Variants in TRPM4 observed in about 807,000 individuals in gnomAD.
The protein encoded by TRPM4 is transient receptor potential cation channel subfamily M member 4.
TRPM4 carries 124 observed loss-of-function variants against 135.6 expected under a neutral mutation model. The observed-to-expected ratio is 0.91, with a 90% CI of 0.79 to 1.06. The LOEUF is 1.06. Among genes scored for constraint, TRPM4 ranks in the 50% least tolerant of loss-of-function variants. The pLI, the probability that TRPM4 is intolerant of heterozygous loss-of-function variation, is 0.00. For missense variants in TRPM4, 1,658 were observed against 1,671.4 expected, an observed-to-expected ratio of 0.99 and a Z score of 0.14; for synonymous variants, 745 against 705.6, an observed-to-expected ratio of 1.06 and a Z score of -0.88.
intron 2 of TRPM4, among the ~76,000 whole-genome samples, chr19:49,163,838 G>A (rs1243463591): frequency 6.6e-6 from 1 of 152,234 alleles, no homozygotes; most frequent in Non-Finnish European, 1.5e-5. Context: ...GGTGTTGGAA[G>A]TAGCTGCAGG....
chr19:49,200,140 T>C (rs899120951), intron 17 of TRPM4, among the ~76,000 whole-genome samples, 160 bp from the exon 18 acceptor site: 1 of 152,154 alleles, frequency 6.6e-6, no homozygotes, highest in African/African-American at 2.4e-5. Flanking sequence ...ATGGACCAGC[T>C]TGGTACTGAA....
At position 49,182,821 on chromosome 19, in the gene TRPM4, G is replaced by A. The variant is rs577719057; in HGVS notation, c.1507G>A (p.Val503Met). Residue 503 changes from valine to methionine, a missense_variant, in exon 11 of 25, where the codon GTG becomes ATG. Physicochemically the swap from Val to Met is conservative, Grantham distance 21 (BLOSUM62 1). This residue lies in a region of TRPM4 where 1,412 missense variants were observed against 1,408.7 expected (regional missense o/e 1.00). Coordinates refer to ENST00000252826, the MANE Select transcript of TRPM4 (RefSeq NM_017636.4). Reference sequence around the variant, plus strand: ...AGCTGCGGAGCTCCGGCCCCCTGACGTGGGGCATGTGCTGAGGATGCTGCT... The same window carrying A: ...AGCTGCGGAGCTCCGGCCCCCTGACATGGGGCATGTGCTGAGGATGCTGCT... ...GGAAELRPPD[V>M]GHVLRMLLGK... The A allele has an allele frequency of 1.3e-5, 21 of 1,613,254 alleles. No individual in the cohort carries two copies. Among genetic ancestry groups the A allele is most frequent in the Non-Finnish European group, 1.7e-5 (20 of 1,179,820 alleles).
At chr19:49,165,934 G>A (rs954517443) in intron 2 of TRPM4, 107 bp from the exon 3 acceptor site, 4 of 1,163,746 alleles carry the variant, frequency 3.4e-6, no homozygotes, top group South Asian at 2.8e-5. Flanking sequence ...GCCTCTGTGG[G>A]TGTGGACTCA....
intron 3 of TRPM4, 48 bp downstream of exon 3, chr19:49,166,263 G>T: frequency 6.5e-7 from 1 of 1,537,180 alleles, no homozygotes; most frequent in Non-Finnish European, 8.8e-7. Context: ...GGGGCTGCAT[G>T]CTCGGGGCTC....
chr19:49,200,204 G>A (rs1968859853), intron 17 of TRPM4, 96 bp from the exon 18 acceptor site: 2 of 1,588,984 alleles, frequency 1.3e-6, no homozygotes, highest in Non-Finnish European at 1.7e-6. Flanking sequence ...GCCCGGTGGA[G>A]GCTGCAGCTT....
At chr19:49,198,418 G>A (rs1218244907) in intron 17 of TRPM4, among the ~76,000 whole-genome samples, 1 of 151,850 alleles carries the variant, frequency 6.6e-6, no homozygotes, top group Non-Finnish European at 1.5e-5. Flanking sequence ...AGGCCGAGGC[G>A]GGTGGATCAC....
chr19:49,168,392 T>C lies in TRPM4; in HGVS notation c.581T>C (p.Val194Ala), dbSNP rs1373125166. 1 of 1,613,814 alleles carries C rather than the reference T, an allele frequency of 6.2e-7. No individual in the cohort carries two copies. The highest frequency in any genetic ancestry group is 1.7e-5 in the Admixed American group (1 of 60,004). Residue 194 changes from valine (V) to alanine (A), a missense_variant, in exon 5 of 25, where the codon GTC (valine) becomes GCC (alanine). Val to Ala is a moderately conservative substitution (Grantham distance 64). Coordinates refer to ENST00000252826, the MANE Select transcript of TRPM4 (RefSeq NM_017636.4). ...VAMGVAPWGV[V>A]RNRDTLINPK... ...ATGGGTGTGGCCCCCTGGGGTGTGGTCCGGAATAGAGACACCCTCATCAAC... is the reference window on the plus strand; with the variant it reads ...ATGGGTGTGGCCCCCTGGGGTGTGGCCCGGAATAGAGACACCCTCATCAAC...
chr19:49,176,649 C>A (rs933647187), intron 9 of TRPM4, among the ~76,000 whole-genome samples: 1 of 152,094 alleles, frequency 6.6e-6, no homozygotes. Context: ...GTCAGGAGTT[C>A]GAGATCAGCC....
At chr19:49,180,238 A>G (rs1419392418) in intron 9 of TRPM4, among the ~76,000 whole-genome samples, 1 of 152,120 alleles carries the variant, frequency 6.6e-6, no homozygotes, top group Admixed American at 6.6e-5. Context: ...TGTTGACTGC[A>G]CATGTTTGGA....
intron 9 of TRPM4, among the ~76,000 whole-genome samples, chr19:49,175,203 G>A (rs1389078597): frequency 6.6e-6 from 1 of 150,876 alleles, no homozygotes. Flanking sequence ...AGCCTCCCAA[G>A]TAGCTGGGAT....
Position 49,182,254 on chromosome 19 carries a change from G to GTCCATCCA in TRPM4, c.1264-322_1264-315dup, listed in dbSNP as rs1389264034. ...CATCCATCTATCCATCCATCCATCT[G>GTCCATCCA]TCCATCCATTCATCTGTCCATCCAT... On this transcript the variant is annotated intron_variant, in intron 10 of 24. Transcript: ENST00000252826. Among the ~76,000 whole-genome samples, 91 of 58,370 alleles carry GTCCATCCA rather than the reference G, an allele frequency of 1.6e-3. 2 individuals are homozygous for GTCCATCCA. The highest frequency in any genetic ancestry group is 4.8e-3 in the African/African-American group (80 of 16,818). 38.3% of individuals were successfully genotyped at this position (58,370 alleles called of 152,430 possible).
intron 3 of TRPM4, among the ~76,000 whole-genome samples, chr19:49,167,363 C>G (rs1192522273): frequency 7.6e-6 from 1 of 131,546 alleles, no homozygotes; most frequent in Non-Finnish European, 1.6e-5. Flanking sequence ...CCCTCTCTCT[C>G]TGGGTCTCTG....
In TRPM4 at chr19:49,171,929, C is replaced by T; in HGVS notation, c.1051-80C>T. The T allele has an allele frequency of 2.1e-6, 3 of 1,409,334 alleles. No homozygotes were observed. The highest frequency in any genetic ancestry group is 3.0e-6 in the Non-Finnish European group (3 of 995,214). 87.3% of individuals were successfully genotyped at this position (1,409,334 alleles called of 1,614,324 possible). A position where few individuals can be genotyped will look rare whatever the true frequency, so the allele number is the denominator to read the frequency against. ...CTATTAGGTCCTGGAGGGGAATGGCCTCCTCCATCCCTTTGGACAGGGCCC... is the reference window on the plus strand; with the variant it reads ...CTATTAGGTCCTGGAGGGGAATGGCTTCCTCCATCCCTTTGGACAGGGCCC... On this transcript the variant is annotated intron_variant, in intron 8 of 24. Transcript: ENST00000252826. This position sits in a 1 kb window ranked among gnomAD's most constrained non-coding sequence, Gnocchi z 4.7.
chr19:49,185,139 T>C (rs1042008401), intron 12 of TRPM4, among the ~76,000 whole-genome samples: 3 of 152,188 alleles, frequency 2.0e-5, no homozygotes, highest in Non-Finnish European at 4.4e-5. Context: ...TTAAAGCCTT[T>C]GCTAGTAAGT....
chr19:49,161,194 C>T (rs1249695763), intron 2 of TRPM4, among the ~76,000 whole-genome samples: 2 of 151,864 alleles, frequency 1.3e-5, no homozygotes, highest in African/African-American at 4.8e-5. Context: ...GGTAAGACGT[C>T]ACAGGGAAAA....
chr19:49,189,070 C>T lies in TRPM4; in HGVS notation c.1998C>T (p.Phe666=), dbSNP rs1461831643. 15 of 1,614,196 alleles carry T rather than the reference C, an allele frequency of 9.3e-6. No individual in the cohort carries two copies. The highest frequency in any genetic ancestry group is 8.5e-7 in the Non-Finnish European group (1 of 1,180,024). Residue 666 remains phenylalanine (F), a synonymous_variant, in exon 14 of 25, where the codon TTC becomes TTT. Transcript: ENST00000252826. ...CCATGCAAGCTGACGCCCGTGCCTT[C>T]TTTGCCCAGGATGGGGTACAGGTGA... is the stretch of plus-strand genomic sequence containing the variant. ...QLAMQADARA[F]FAQDGVQSLL...
intron 20 of TRPM4, among the ~76,000 whole-genome samples, chr19:49,203,895 A>G (rs545962659): frequency 3.2e-4 from 49 of 152,290 alleles, no homozygotes; most frequent in African/African-American, 1.1e-3. Flanking sequence ...TGGGAGGCCT[A>G]GGCGGGTGGA....
intron 14 of TRPM4, among the ~76,000 whole-genome samples, chr19:49,189,979 C>T (rs545119428): frequency 1.3e-5 from 2 of 152,302 alleles, no homozygotes; most frequent in South Asian, 4.1e-4. Context: ...ACATAAAGTG[C>T]TTAGCCCTGT....
chr19:49,185,821 G>A (rs754054352), intron 12 of TRPM4, among the ~76,000 whole-genome samples: 1 of 151,878 alleles, frequency 6.6e-6, no homozygotes, highest in Non-Finnish European at 1.5e-5. Flanking sequence ...TGCAATCTCG[G>A]CTCACTGCAA....
Sources: allele counts gnomAD v4.1 joint callset (sites outside exome capture counted in the v4.1 genomes callset), GRCh38; gene constraint gnomAD v4.1.1; regional missense constraint gnomAD v4.1.1; non-coding constraint Gnocchi (gnomAD v3.1); transcripts MANE v1.5; gene names NCBI Gene and HGNC (gene_info 2026-07-23, HGNC 2026-07-21).